The following PHLPP2 variants were observed in gnomAD, a reference collection of about 807,000 sequenced individuals.
PHLPP2 encodes the protein PH domain leucine-rich repeat-containing protein phosphatase 2.
In PHLPP2, 66 loss-of-function variants were observed where a neutral mutation model predicts 124.9. That is an observed-to-expected ratio of 0.53 (90% CI 0.43 to 0.65). The LOEUF (loss-of-function observed/expected upper bound fraction) is 0.65. Ranked by LOEUF, PHLPP2 falls within the 30% of genes least tolerant of loss-of-function variation. The pLI is 0.00. For missense variants in PHLPP2, 1,685 were observed against 1,600.4 expected (o/e 1.05, Z -0.90); for synonymous variants, 681 against 624.7 (o/e 1.09, Z -1.34).
At chr16:71,698,333 C>A (rs917235989) in intron 3 of PHLPP2, among the ~76,000 whole-genome samples, 5 of 152,112 alleles carry the variant, frequency 3.3e-5, no homozygotes, top group Non-Finnish European at 4.4e-5. Flanking sequence ...TGGTAAAGCC[C>A]CACTTCTTAG....
At chr16:71,719,547 T>C (rs2045384349) in intron 1 of PHLPP2, among the ~76,000 whole-genome samples, 1 of 152,090 alleles carries the variant, frequency 6.6e-6, no homozygotes, top group Non-Finnish European at 1.5e-5. Flanking sequence ...CTCTAAAAAG[T>C]ATCTTTTTTA....
rs189301607 is a variant in PHLPP2, at chr16:71,695,923, G to A, written c.419-5214C>T. Among the ~76,000 whole-genome samples, 213 of 152,104 alleles carry A rather than the reference G, an allele frequency of 1.4e-3. 2 individuals are homozygous for A. Among genetic ancestry groups the A allele is most frequent in the African/African-American group, 4.8e-3 (201 of 41,486 alleles). On this transcript the variant is annotated intron_variant, in intron 3 of 18. Transcript: ENST00000568954. ...CTGAACAGATATACACCAAATTGAT[G>A]GTGGTTATCTATAGAGCAGTTAATG...
chr16:71,677,100 G>A, intron 8 of PHLPP2: 1 of 92,138 alleles, frequency 1.1e-5, no homozygotes, highest in Non-Finnish European at 2.1e-5. Flanking sequence ...CATTTTGCAA[G>A]GTACTATATA....
intron 4 of PHLPP2, among the ~76,000 whole-genome samples, chr16:71,687,656 C>T (rs1386203082): frequency 6.6e-6 from 1 of 152,006 alleles, no homozygotes; most frequent in Non-Finnish European, 1.5e-5. Flanking sequence ...ATTTTAGTGG[C>T]TATTGTTAAA....
chr16:71,662,750 T>G (rs1445802508), intron 13 of PHLPP2, among the ~76,000 whole-genome samples: 2 of 152,062 alleles, frequency 1.3e-5, no homozygotes, highest in Non-Finnish European at 2.9e-5. Flanking sequence ...TAGCTGGTCA[T>G]GGTGGCATGT....
chr16:71,706,770 T>C (rs983410793), intron 2 of PHLPP2, among the ~76,000 whole-genome samples: 6 of 152,136 alleles, frequency 3.9e-5, no homozygotes, highest in Non-Finnish European at 8.8e-5. Context: ...TCATAAAACC[T>C]AGGTTCTTTT....
chr16:71,662,540 T>A (rs1436084882), intron 13 of PHLPP2, among the ~76,000 whole-genome samples: 1 of 152,160 alleles, frequency 6.6e-6, no homozygotes, highest in Non-Finnish European at 1.5e-5. Context: ...GTTTCTCCTG[T>A]ATGTCTTCTG....
intron 1 of PHLPP2, among the ~76,000 whole-genome samples, chr16:71,716,008 C>A (rs9934567): frequency 0.038 from 5,657 of 149,218 alleles, 357 homozygotes; most frequent in African/African-American, 0.13. Context: ...AAAAAAAAAA[C>A]TTTAATCTAT....
chr16:71,714,844 G>C (rs1567630822), intron 1 of PHLPP2, 43 bp from the exon 2 acceptor site: 1 of 1,571,180 alleles, frequency 6.4e-7, no homozygotes, highest in East Asian at 2.2e-5. Context: ...TAGAACATCT[G>C]ACTGAATTAG....
chr16:71,662,300 C>T (rs1166775081), intron 13 of PHLPP2, among the ~76,000 whole-genome samples: 1 of 151,716 alleles, frequency 6.6e-6, no homozygotes, highest in Non-Finnish European at 1.5e-5. Context: ...TGTGGTGGCA[C>T]ATGCTTATAA....
rs780276217 is a variant in PHLPP2 at position 71,649,340 on chromosome 16, G to A, written c.3522C>T (p.Cys1174=). ...KVEVEVDIHC[C]RGRDLENSPP... is the part of the protein sequence containing the mutation. ...GTGAGTTCTCCAGATCCCTCCCCCT[G>A]CAGCAGTGGATGTCTACTTCCACCT... is the stretch of plus-strand genomic sequence containing the variant. The change falls in exon 19 of 19, where the codon TGC becomes TGT. Residue 1174 remains cysteine (C), a synonymous_variant. Transcript: ENST00000568954. 1.5e-4 allele frequency: 244 copies of A among 1,613,234 alleles called. No individual in the cohort carries two copies. The highest frequency in any genetic ancestry group is 1.8e-4 in the Non-Finnish European group (211 of 1,179,388).
Position 71,656,669 on chromosome 16 carries a change from G to A in PHLPP2, c.2292C>T (p.Thr764=), listed in dbSNP as rs1262534573. 6.2e-7 allele frequency: 1 copy of A among 1,606,342 alleles called. No individual in the cohort carries two copies. Among genetic ancestry groups the A allele is most frequent in the Non-Finnish European group, 8.5e-7 (1 of 1,173,032 alleles). ...KTLDIFSHIT[T]LKIDQKPLPT... is the part of the protein sequence containing the mutation. Reference sequence around the variant, plus strand: ...GCAAAGGTTTCTGATCAATTTTCAGGGTTGTGATATGGCTGTGGGAGGTGA... The same window carrying A: ...GCAAAGGTTTCTGATCAATTTTCAGAGTTGTGATATGGCTGTGGGAGGTGA... The change falls in exon 16 of 19, where the codon ACC becomes ACT. Residue 764 remains threonine, a synonymous_variant. Coordinates refer to ENST00000568954, the MANE Select transcript of PHLPP2 (RefSeq NM_015020.3).
chr16:71,667,582 T>G (rs113933291), intron 11 of PHLPP2, among the ~76,000 whole-genome samples: 5 of 152,296 alleles, frequency 3.3e-5, no homozygotes, highest in African/African-American at 1.2e-4. Context: ...ACAGAGGAGA[T>G]CTATACTAAA....
chr16:71,700,449 T>C (rs1291765722), intron 3 of PHLPP2, among the ~76,000 whole-genome samples: 1 of 151,646 alleles, frequency 6.6e-6, no homozygotes, highest in African/African-American at 2.4e-5. Flanking sequence ...CACAAATTCT[T>C]TGACACTCCT....
intron 3 of PHLPP2, among the ~76,000 whole-genome samples, chr16:71,697,110 T>C (rs1396478243): frequency 2.0e-5 from 3 of 151,332 alleles, no homozygotes; most frequent in African/African-American, 7.3e-5. Context: ...GAGGCGGAGG[T>C]TGCAGTGAGC....
intron 18 of PHLPP2, among the ~76,000 whole-genome samples, chr16:71,651,597 A>C (rs1482879445): frequency 1.3e-5 from 2 of 152,242 alleles, no homozygotes; most frequent in Non-Finnish European, 2.9e-5. Context: ...ATTTGTTTTG[A>C]CTGAAAGAGC....
chr16:71,654,885 A>C (rs752365928), intron 17 of PHLPP2: 1 of 194,644 alleles, frequency 5.1e-6, no homozygotes, highest in Non-Finnish European at 1.1e-5. Context: ...GTATTTGGTT[A>C]ACTGTTTTGT....
At chr16:71,692,116 T>C (rs778549605) in intron 3 of PHLPP2, among the ~76,000 whole-genome samples, 6 of 151,862 alleles carry the variant, frequency 4.0e-5, no homozygotes, top group African/African-American at 7.3e-5. Context: ...GTCGCCCAGG[T>C]TGGAGTGCAG....
chr16:71,682,395 C>A (rs534107287), intron 5 of PHLPP2, among the ~76,000 whole-genome samples: 46 of 151,996 alleles, frequency 3.0e-4, no homozygotes, highest in Non-Finnish European at 5.0e-4. Context: ...GTTGGCCAGG[C>A]TGGTTTCGAA....
Sources: gnomAD v4.1 joint callset for allele counts (sites outside exome capture counted in the v4.1 genomes callset) on GRCh38, gnomAD v4.1.1 for gene constraint, MANE v1.5 for transcripts, NCBI Gene and HGNC (gene_info 2026-07-23, HGNC 2026-07-21) for gene names.